Variants in ADGRL2 observed in about 807,000 individuals in gnomAD.
The protein encoded by ADGRL2 is calcium-independent alpha-latrotoxin receptor 2.
Under a neutral mutation model 157.4 loss-of-function variants are expected in ADGRL2, and 44 were observed. That is an observed-to-expected ratio of 0.28 (90% CI 0.22 to 0.36). ADGRL2 has a LOEUF of 0.36. ADGRL2 is among the 10% of genes least tolerant of loss of function. The pLI is 1.00. For missense variants in ADGRL2, 1,510 were observed against 1,768.9 expected (o/e 0.85, Z 2.63); for synonymous variants, 585 against 624.7 (o/e 0.94, Z 0.95).
chr1:81,495,009 C>T (rs1289615017), intron 2 of ADGRL2, among the ~76,000 whole-genome samples: 8 of 152,028 alleles, frequency 5.3e-5, no homozygotes. Flanking sequence ...TTTCAAATGC[C>T]TTAGGATTTC....
At chr1:81,549,997 C>T (rs2080107179) in intron 2 of ADGRL2, among the ~76,000 whole-genome samples, 1 of 151,964 alleles carries the variant, frequency 6.6e-6, no homozygotes, top group South Asian at 2.1e-4. Context: ...ATAAATGAGC[C>T]CTTGATACCT....
At chr1:81,810,734 T>C (rs1311282289) in intron 1 of ADGRL2, among the ~76,000 whole-genome samples, 3 of 152,042 alleles carry the variant, frequency 2.0e-5, no homozygotes, top group Non-Finnish European at 2.9e-5. Flanking sequence ...ACAGAAGATA[T>C]ACTGAAGATT....
At chr1:81,901,444 C>T (rs1436889658) in intron 2 of ADGRL2, among the ~76,000 whole-genome samples, 1 of 151,968 alleles carries the variant, frequency 6.6e-6, no homozygotes, top group African/African-American at 2.4e-5. Context: ...TCATCTGACC[C>T]AGAGATTGTG....
intron 2 of ADGRL2, chr1:81,503,501 T>A: frequency 6.2e-7 from 1 of 1,603,074 alleles, no homozygotes; most frequent in South Asian, 1.1e-5. Flanking sequence ...CTTGCCACTC[T>A]CCAGTCGAGA....
At chr1:81,926,784 T>C (rs992422615) in intron 3 of ADGRL2, among the ~76,000 whole-genome samples, 3 of 152,130 alleles carry the variant, frequency 2.0e-5, no homozygotes, top group South Asian at 4.1e-4. Context: ...ATACTTCTTA[T>C]TTTGCTAATA....
At chr1:81,666,790 C>G (rs2082760028) in intron 3 of ADGRL2, among the ~76,000 whole-genome samples, 1 of 152,200 alleles carries the variant, frequency 6.6e-6, no homozygotes, top group Admixed American at 6.5e-5. Context: ...AACTAACCCA[C>G]AAGGGCTGTG....
intron 2 of ADGRL2, among the ~76,000 whole-genome samples, chr1:81,861,901 A>AT (rs1199627767): frequency 1.3e-5 from 2 of 152,144 alleles, no homozygotes; most frequent in Non-Finnish European, 2.9e-5. Flanking sequence ...AAAAAAAAAA[A>AT]GAAACACATG....
intron 2 of ADGRL2, among the ~76,000 whole-genome samples, chr1:81,864,977 C>G (rs2093495627): frequency 6.6e-6 from 1 of 152,044 alleles, no homozygotes; most frequent in Non-Finnish European, 1.5e-5. Context: ...TAGAACAAGG[C>G]TGTATCTCAA....
chr1:81,552,246 A>G (rs138100021), intron 2 of ADGRL2, among the ~76,000 whole-genome samples: 108 of 152,212 alleles, frequency 7.1e-4, no homozygotes, highest in African/African-American at 2.4e-3. Flanking sequence ...CTTTTTTATT[A>G]GGTAGATAAA....
chr1:81,513,146 C>T (rs763899546), intron 2 of ADGRL2, among the ~76,000 whole-genome samples: 6 of 152,042 alleles, frequency 3.9e-5, no homozygotes, highest in Non-Finnish European at 8.8e-5. Context: ...TTAATGCTTA[C>T]TGGTTTCAGA....
At chr1:81,961,547 G>C (rs79431989) in intron 11 of ADGRL2, among the ~76,000 whole-genome samples, 2 of 131,222 alleles carry the variant, frequency 1.5e-5, no homozygotes, top group African/African-American at 5.9e-5. Context: ...TGCTCTTGTC[G>C]TCCAGGCTAG....
chr1:81,981,496 C>A (rs1049539378), intron 18 of ADGRL2, among the ~76,000 whole-genome samples: 1 of 151,854 alleles, frequency 6.6e-6, no homozygotes, highest in Non-Finnish European at 1.5e-5. Context: ...TCCTTAATTT[C>A]TTTTATCAAA....
chr1:81,689,836 C>T (rs2083297414), intron 3 of ADGRL2, among the ~76,000 whole-genome samples: 1 of 152,160 alleles, frequency 6.6e-6, no homozygotes, highest in African/African-American at 2.4e-5. Context: ...TTCCCTAAAG[C>T]CTCATCAGAT....
At chr1:81,461,266 T>TTTTTC (rs1187081431) in intron 2 of ADGRL2, among the ~76,000 whole-genome samples, 7 of 151,996 alleles carry the variant, frequency 4.6e-5, no homozygotes, top group Non-Finnish European at 7.4e-5. Flanking sequence ...AAGCTTTCTT[T>TTTTTC]TTTTCTTTTC....
intron 2 of ADGRL2, among the ~76,000 whole-genome samples, chr1:81,573,918 A>G (rs2080746109): frequency 6.6e-6 from 1 of 152,166 alleles, no homozygotes; most frequent in Non-Finnish European, 1.5e-5. Flanking sequence ...TAGTTTTTCA[A>G]TTGTTAGAGA....
At chr1:81,572,096 C>G (rs896330054) in intron 2 of ADGRL2, among the ~76,000 whole-genome samples, 1 of 152,194 alleles carries the variant, frequency 6.6e-6, no homozygotes, top group African/African-American at 2.4e-5. Flanking sequence ...TTCAAATAGA[C>G]TGGCTAACAG....
intron 2 of ADGRL2, among the ~76,000 whole-genome samples, chr1:81,548,216 A>G (rs549119940): frequency 6.6e-6 from 1 of 152,202 alleles, no homozygotes; most frequent in East Asian, 1.9e-4. Context: ...GTTCTGTGCA[A>G]TTCTCTTCCT....
intron 3 of ADGRL2, among the ~76,000 whole-genome samples, chr1:81,615,397 A>C (rs1378480884): frequency 6.6e-6 from 1 of 152,150 alleles, no homozygotes; most frequent in Non-Finnish European, 1.5e-5. Flanking sequence ...CTTCGCAATA[A>C]ATCTTGCTGC....
At chr1:81,635,794 C>T (rs112123752) in intron 3 of ADGRL2, among the ~76,000 whole-genome samples, 55 of 152,312 alleles carry the variant, frequency 3.6e-4, no homozygotes, top group Middle Eastern at 3.4e-3. Context: ...CAGCAGTGGG[C>T]TTCAACCTGA....
Sources: gnomAD v4.1 joint callset for allele counts (sites outside exome capture counted in the v4.1 genomes callset) on GRCh38, gnomAD v4.1.1 for gene constraint, MANE v1.5 for transcripts, NCBI Gene and HGNC (gene_info 2026-07-23, HGNC 2026-07-21) for gene names.